EBF1: variants seen among roughly 807,000 people sequenced by gnomAD.
The protein encoded by EBF1 is EBF transcription factor 1.
Under a neutral mutation model 68.4 loss-of-function variants are expected in EBF1, and 10 were observed. That is an observed-to-expected ratio of 0.15 (90% CI 0.09 to 0.25). The LOEUF is 0.25. Ranked by LOEUF, EBF1 falls within the 10% of genes least tolerant of loss-of-function variation. EBF1 has a pLI of 1.00. For missense variants in EBF1, 509 were observed against 794.4 expected (o/e 0.64, Z 4.32); for synonymous variants, 298 against 299.8 (o/e 0.99, Z 0.06).
At chr5:158,949,718 T>A (rs1484157349) in intron 6 of EBF1, among the ~76,000 whole-genome samples, 2 of 152,228 alleles carry the variant, frequency 1.3e-5, no homozygotes, top group Non-Finnish European at 2.9e-5. Flanking sequence ...TCCCATTGTA[T>A]CTATTCAATA....
At chr5:159,096,429 GAC>G (rs1407742254) in intron 2 of EBF1, 23 bp from the exon 3 acceptor site, 2 of 1,611,376 alleles carry the variant, frequency 1.2e-6, no homozygotes, top group African/African-American at 2.7e-5. Flanking sequence ...AGGACGCAAA[GAC>G]ACAAGAGATG....
At chr5:158,919,414 C>T (rs1807910903) in intron 6 of EBF1, among the ~76,000 whole-genome samples, 1 of 152,118 alleles carries the variant, frequency 6.6e-6, no homozygotes. Flanking sequence ...AATCTTGATG[C>T]CTGCAATATT....
chr5:159,025,999 C>A (rs190647942), intron 6 of EBF1, among the ~76,000 whole-genome samples: 1 of 152,166 alleles, frequency 6.6e-6, no homozygotes, highest in African/African-American at 2.4e-5. Context: ...AAACAAAACT[C>A]ACAAATGTCT....
intron 6 of EBF1, among the ~76,000 whole-genome samples, chr5:158,873,958 A>G (rs1223650979): frequency 2.0e-5 from 3 of 152,204 alleles, no homozygotes; most frequent in African/African-American, 7.2e-5. Flanking sequence ...CATCACACAC[A>G]TAAGGGAACA....
chr5:158,948,068 A>G (rs1365359257), intron 6 of EBF1, among the ~76,000 whole-genome samples: 1 of 152,226 alleles, frequency 6.6e-6, no homozygotes, highest in African/African-American at 2.4e-5. Context: ...CCTAAGAACT[A>G]TTCTGGAAGC....
chr5:158,840,248 T>C, intron 6 of EBF1, 138 bp from the exon 7 acceptor site: 1 of 647,232 alleles, frequency 1.5e-6, no homozygotes, highest in Non-Finnish European at 2.7e-6. Flanking sequence ...TTAGAGCCAA[T>C]ATTTCATTTG....
chr5:158,815,511 T>C (rs1783541791), intron 8 of EBF1, among the ~76,000 whole-genome samples: 1 of 152,176 alleles, frequency 6.6e-6, no homozygotes, highest in Admixed American at 6.5e-5. Flanking sequence ...CCATAAATGC[T>C]AATAGTTTAA....
chr5:158,813,179 T>C (rs1783032411), intron 8 of EBF1, among the ~76,000 whole-genome samples: 1 of 152,222 alleles, frequency 6.6e-6, no homozygotes, highest in East Asian at 1.9e-4. Context: ...ACTTTTTCTT[T>C]AACTTTAGTC....
At chr5:158,780,973 A>G (rs1776352684) in intron 9 of EBF1, among the ~76,000 whole-genome samples, 2 of 152,182 alleles carry the variant, frequency 1.3e-5, no homozygotes, top group Non-Finnish European at 2.9e-5. Context: ...TTACAAGCCA[A>G]ACAATTTGGG....
At chr5:158,923,252 C>T (rs1808834439) in intron 6 of EBF1, among the ~76,000 whole-genome samples, 1 of 152,176 alleles carries the variant, frequency 6.6e-6, no homozygotes, top group East Asian at 1.9e-4. Flanking sequence ...AAGATTTTAA[C>T]AGCTGCCTGA....
chr5:158,831,058 C>T (rs964001226), intron 7 of EBF1, among the ~76,000 whole-genome samples: 1 of 152,182 alleles, frequency 6.6e-6, no homozygotes, highest in African/African-American at 2.4e-5. Flanking sequence ...ACATGAAAAG[C>T]TCACAAGTCA....
At chr5:158,766,341 C>T (rs988464445) in intron 10 of EBF1, among the ~76,000 whole-genome samples, 1 of 152,016 alleles carries the variant, frequency 6.6e-6, no homozygotes, top group Non-Finnish European at 1.5e-5. Context: ...AGAAAAATGG[C>T]TCTGGCTTTG....
intron 7 of EBF1, among the ~76,000 whole-genome samples, chr5:158,839,603 G>A (rs1262518619): frequency 6.6e-6 from 1 of 152,010 alleles, no homozygotes; most frequent in Admixed American, 6.5e-5. Context: ...GGCTGGTCTT[G>A]AACTCTTAAA....
chr5:158,890,884 T>C (rs1801042928), intron 6 of EBF1, among the ~76,000 whole-genome samples: 1 of 152,206 alleles, frequency 6.6e-6, no homozygotes, highest in Non-Finnish European at 1.5e-5. Context: ...AGGAAATGCT[T>C]TACTGCATCC....
intron 6 of EBF1, among the ~76,000 whole-genome samples, chr5:158,898,288 C>T (rs1453808061): frequency 6.6e-6 from 1 of 152,106 alleles, no homozygotes; most frequent in African/African-American, 2.4e-5. Flanking sequence ...GCAACTGTTC[C>T]ACATCATTAC....
At chr5:158,896,797 T>C (rs1802265331) in intron 6 of EBF1, among the ~76,000 whole-genome samples, 1 of 152,242 alleles carries the variant, frequency 6.6e-6, no homozygotes, top group South Asian at 2.1e-4. Flanking sequence ...GTAAAATAAA[T>C]ACCCAAAGAA....
intron 6 of EBF1, among the ~76,000 whole-genome samples, chr5:159,057,149 C>G (rs1774928150): frequency 6.9e-6 from 1 of 144,204 alleles, no homozygotes; most frequent in South Asian, 2.2e-4. Flanking sequence ...CTCTGTCACC[C>G]AGGCTGAAGT....
chr5:158,710,186 G>A (rs780017046), intron 14 of EBF1, among the ~76,000 whole-genome samples: 11 of 152,116 alleles, frequency 7.2e-5, no homozygotes, highest in Non-Finnish European at 5.9e-5. Context: ...AGATAAAGCC[G>A]TCCCATCTGA....
chr5:158,798,995 C>T (rs920660013), intron 8 of EBF1, among the ~76,000 whole-genome samples: 4 of 152,132 alleles, frequency 2.6e-5, no homozygotes, highest in African/African-American at 9.7e-5. Context: ...AAAGCTCCTC[C>T]TATACATCTG....
Sources: gnomAD v4.1 joint callset for allele counts (sites outside exome capture counted in the v4.1 genomes callset) on GRCh38, gnomAD v4.1.1 for gene constraint, MANE v1.5 for transcripts, NCBI Gene and HGNC (gene_info 2026-07-23, HGNC 2026-07-21) for gene names.